The following SORBS2 variants were observed in gnomAD, a reference collection of about 807,000 sequenced individuals.
SORBS2 encodes the protein sorbin and SH3 domain-containing protein 2.
SORBS2 carries 46 observed loss-of-function variants against 97.7 expected under a neutral mutation model. That is an observed-to-expected ratio of 0.47 (90% CI 0.37 to 0.60). The LOEUF (loss-of-function observed/expected upper bound fraction) is 0.60. SORBS2 is among the 20% of genes least tolerant of loss of function. SORBS2 has a pLI of 0.00. For synonymous variants in SORBS2, 476 were observed against 473.4 expected (o/e 1.01, Z -0.07); for missense variants, 1,316 against 1,282.3 (o/e 1.03, Z -0.40).
chr4:185,908,601 A>G (rs576569482), intron 1 of SORBS2, among the ~76,000 whole-genome samples: 5 of 152,030 alleles, frequency 3.3e-5, no homozygotes, highest in African/African-American at 1.2e-4. Flanking sequence ...TCGCCGAGTA[A>G]TGATTCTGAA....
At chr4:185,668,804 C>T (rs892465146) in intron 4 of SORBS2, among the ~76,000 whole-genome samples, 8 of 152,130 alleles carry the variant, frequency 5.3e-5, no homozygotes, top group African/African-American at 1.7e-4. Flanking sequence ...TCCTTCTTTT[C>T]AAGACCATGG....
intron 1 of SORBS2, among the ~76,000 whole-genome samples, chr4:185,923,076 T>C (rs2099261696): frequency 6.6e-6 from 1 of 152,120 alleles, no homozygotes; most frequent in African/African-American, 2.4e-5. Flanking sequence ...TAAGTGTCAG[T>C]GAGGTTAAGA....
At chr4:185,858,976 T>C (rs1446283363) in intron 1 of SORBS2, among the ~76,000 whole-genome samples, 1 of 152,228 alleles carries the variant, frequency 6.6e-6, no homozygotes, top group African/African-American at 2.4e-5. Context: ...TGAAATTTTC[T>C]CATTTTTGAG....
At chr4:185,787,493 T>A (rs2099061625) in intron 1 of SORBS2, among the ~76,000 whole-genome samples, 1 of 152,240 alleles carries the variant, frequency 6.6e-6, no homozygotes, top group Non-Finnish European at 1.5e-5. Context: ...AATAGCATCC[T>A]TAAATGGGGC....
intron 2 of SORBS2, among the ~76,000 whole-genome samples, chr4:185,732,297 A>C (rs1282958392): frequency 6.6e-6 from 1 of 152,236 alleles, no homozygotes; most frequent in Non-Finnish European, 1.5e-5. Flanking sequence ...GCATGTGTGA[A>C]TAGGAAGAGC....
chr4:185,881,100 C>T (rs1379426012), intron 1 of SORBS2, among the ~76,000 whole-genome samples: 1 of 152,152 alleles, frequency 6.6e-6, no homozygotes, highest in Non-Finnish European at 1.5e-5. Flanking sequence ...TTATTAGCAT[C>T]ATGCAAGGAC....
chr4:185,612,471 C>T (rs527898572), intron 11 of SORBS2, among the ~76,000 whole-genome samples: 1 of 150,914 alleles, frequency 6.6e-6, no homozygotes, highest in Non-Finnish European at 1.5e-5. Context: ...AATGGTACAC[C>T]GTTTTCTTTT....
At chr4:185,892,221 C>A (rs145203724) in intron 1 of SORBS2, among the ~76,000 whole-genome samples, 10 of 152,246 alleles carry the variant, frequency 6.6e-5, no homozygotes, top group Middle Eastern at 3.4e-3. Flanking sequence ...AAGAAACTAA[C>A]CTGAGTGTAC....
At chr4:185,779,561 A>AT (rs1001064908) in intron 1 of SORBS2, among the ~76,000 whole-genome samples, 27 of 152,232 alleles carry the variant, frequency 1.8e-4, no homozygotes, top group African/African-American at 6.0e-4. Flanking sequence ...GTTGTTTTAC[A>AT]TTTTTTTCCC....
At chr4:185,731,879 T>A (rs1260283938) in intron 2 of SORBS2, among the ~76,000 whole-genome samples, 1 of 42,394 alleles carries the variant, frequency 2.4e-5, no homozygotes, top group Non-Finnish European at 4.7e-5. Flanking sequence ...TATATATATA[T>A]ATATATATAT....
At chr4:185,760,498 G>A (rs569952673) in intron 2 of SORBS2, among the ~76,000 whole-genome samples, 2 of 152,338 alleles carry the variant, frequency 1.3e-5, no homozygotes, top group South Asian at 4.1e-4. Context: ...GGGAGGCGGA[G>A]ATTGCAGTGA....
chr4:185,834,218 A>G (rs2099206696), intron 1 of SORBS2, among the ~76,000 whole-genome samples: 1 of 152,146 alleles, frequency 6.6e-6, no homozygotes, highest in African/African-American at 2.4e-5. Flanking sequence ...GAGGATTCAG[A>G]CAACCTACAC....
chr4:185,720,157 G>T (rs182234942), intron 2 of SORBS2, among the ~76,000 whole-genome samples: 60 of 152,296 alleles, frequency 3.9e-4, no homozygotes, highest in Non-Finnish European at 7.8e-4. Context: ...AGGAGCCCAG[G>T]TTCCCAGAAT....
chr4:185,915,813 C>A (rs72709761), intron 1 of SORBS2, among the ~76,000 whole-genome samples: 16,764 of 152,058 alleles, frequency 0.11, 990 homozygotes, highest in Middle Eastern at 0.2. Context: ...ACGTAGCTCT[C>A]TAAGAAGGTT....
intron 2 of SORBS2, chr4:185,772,620 A>AATTTAAAAC (rs2098977994): frequency 6.6e-6 from 1 of 152,206 alleles, no homozygotes; most frequent in Non-Finnish European, 1.5e-5. Flanking sequence ...AGGCTGCTGG[A>AATTTAAAAC]ATTTAAAACG....
Position 185,760,574 on chromosome 4 carries a change from A to T in SORBS2, c.-198+14653T>A, listed in dbSNP as rs147224229. On this transcript the variant is annotated intron_variant, in intron 2 of 20. Transcript: ENST00000284776. ...GTGAAACTTTGTCTCAAAAAAAAAA[A>T]TTAACAAAATGCATCTGTATAGGCA... 3.4e-4 allele frequency among the ~76,000 whole-genome samples: 52 copies of T among 152,324 alleles called. 1 individual carries two copies. The highest frequency in any genetic ancestry group is 1.2e-3 in the African/African-American group (49 of 41,548).
At chr4:185,884,342 A>G (rs897368058) in intron 1 of SORBS2, among the ~76,000 whole-genome samples, 4 of 152,224 alleles carry the variant, frequency 2.6e-5, no homozygotes, top group African/African-American at 9.6e-5. Context: ...AACATGTATC[A>G]GTTAACATTC....
chr4:185,643,959 T>C (rs1015751984), intron 4 of SORBS2, among the ~76,000 whole-genome samples: 2 of 152,146 alleles, frequency 1.3e-5, no homozygotes, highest in Non-Finnish European at 2.9e-5. Context: ...ATGTAAACTA[T>C]ATCAGTACGC....
chr4:185,750,605 G>A (rs1237489474), intron 2 of SORBS2, among the ~76,000 whole-genome samples: 2 of 152,178 alleles, frequency 1.3e-5, no homozygotes, highest in Non-Finnish European at 2.9e-5. Context: ...GATTAAGCTG[G>A]CTAATACACT....
Sources: allele counts gnomAD v4.1 joint callset (sites outside exome capture counted in the v4.1 genomes callset), GRCh38; gene constraint gnomAD v4.1.1; transcripts MANE v1.5; gene names NCBI Gene and HGNC (gene_info 2026-07-23, HGNC 2026-07-21).